AK9: variants seen among roughly 807,000 people sequenced by gnomAD.
AK9 encodes adenylate kinase domain containing 1.
Under a neutral mutation model 239.6 loss-of-function variants are expected in AK9, and 191 were observed. The ratio of observed to expected loss-of-function variants is 0.80; its 90% CI spans 0.71 to 0.90. AK9 has a LOEUF of 0.90. AK9 is among the 40% of genes least tolerant of loss of function. The pLI is 0.00. For missense variants in AK9, 1,995 were observed against 2,214.7 expected (o/e 0.90, Z 1.99); for synonymous variants, 689 against 721.0 (o/e 0.96, Z 0.71).
At chr6:109,497,367 C>G in intron 38 of AK9, 98 bp downstream of exon 38, 1 of 700,456 alleles carries the variant, frequency 1.4e-6, no homozygotes, top group Non-Finnish European at 2.5e-6. Context: ...CACACACTCT[C>G]TCTCTCTCTC....
intron 19 of AK9, among the ~76,000 whole-genome samples, chr6:109,580,543 C>T (rs1313454548): frequency 6.6e-6 from 1 of 152,156 alleles, no homozygotes; most frequent in Non-Finnish European, 1.5e-5. Context: ...TTCATGTCAG[C>T]AGCATACACT....
At chr6:109,536,008 G>T (rs1781934567) in intron 27 of AK9, among the ~76,000 whole-genome samples, 1 of 152,150 alleles carries the variant, frequency 6.6e-6, no homozygotes, top group Non-Finnish European at 1.5e-5. Context: ...GGTTACTGTA[G>T]CCTTGTAGTA....
chr6:109,529,711 G>C (rs1346204176), intron 28 of AK9, among the ~76,000 whole-genome samples: 1 of 152,114 alleles, frequency 6.6e-6, no homozygotes, highest in Non-Finnish European at 1.5e-5. Flanking sequence ...AGATCATCAG[G>C]CATTAGATTC....
intron 33 of AK9, among the ~76,000 whole-genome samples, chr6:109,508,449 G>T (rs964825197): frequency 5.3e-5 from 8 of 152,110 alleles, no homozygotes; most frequent in Admixed American, 5.2e-4. Context: ...TAAGTCCCGG[G>T]CCTTTTCTGG....
intron 12 of AK9, among the ~76,000 whole-genome samples, chr6:109,621,103 A>C (rs948181011): frequency 2.7e-5 from 4 of 148,746 alleles, no homozygotes; most frequent in Admixed American, 2.0e-4. Flanking sequence ...ACACTTCTCA[A>C]AAGAAGACAT....
intron 9 of AK9, among the ~76,000 whole-genome samples, chr6:109,643,411 G>A (rs1287705350): frequency 1.3e-5 from 2 of 152,198 alleles, no homozygotes; most frequent in Non-Finnish European, 2.9e-5. Context: ...CTGTCAAGTA[G>A]ATTTCTTAAA....
intron 24 of AK9, among the ~76,000 whole-genome samples, chr6:109,551,232 C>T (rs1784316218): frequency 6.6e-6 from 1 of 151,862 alleles, no homozygotes; most frequent in Non-Finnish European, 1.5e-5. Flanking sequence ...AATATGCAAA[C>T]CTTGGCTGCG....
chr6:109,516,586 ATCATTGTCTTCT>A lies in AK9; in HGVS notation c.3678_3689del (p.Glu1226_Asn1229del), dbSNP rs769030513. On this transcript the variant is annotated inframe_deletion, in exon 30 of 41. Transcript: ENST00000424296. ...CATCTTCAAGGATGTTTTCAATATC[ATCATTGTCTTCT>A]TCAAGTTCTTCCTCACTAATCTCTT... 4.5e-6 allele frequency: 7 copies of A among 1,550,980 alleles called. No individual in the cohort carries two copies. Among genetic ancestry groups the A allele is most frequent in the Non-Finnish European group, 6.1e-6 (7 of 1,146,906 alleles).
At chr6:109,622,048 AGAT>A (rs1334661466) in intron 12 of AK9, among the ~76,000 whole-genome samples, 1 of 147,526 alleles carries the variant, frequency 6.8e-6, no homozygotes, top group Non-Finnish European at 1.5e-5. Flanking sequence ...ATCAAAATAT[AGAT>A]AATACATGTG....
At chr6:109,669,590 A>T (rs1236655756) in intron 5 of AK9, among the ~76,000 whole-genome samples, 1 of 152,192 alleles carries the variant, frequency 6.6e-6, no homozygotes, top group Non-Finnish European at 1.5e-5. Flanking sequence ...GAGAGTTTTT[A>T]GCATGAAGGG....
chr6:109,671,973 G>T lies in AK9; in HGVS notation c.277C>A (p.Leu93Ile), dbSNP rs773391006. ...LISGQSIPDE[L>I]VIKLMLEKLN... Reference sequence around the variant, plus strand: ...TTCTCCAACATTAGCTTTATGACAAGTTCATCTGGAATGCTTTGACCGCTG... The same window carrying T: ...TTCTCCAACATTAGCTTTATGACAATTTCATCTGGAATGCTTTGACCGCTG... Residue 93 changes from leucine to isoleucine, a missense_variant, in exon 5 of 41, where the codon CTT (leucine) becomes ATT (isoleucine). By Grantham distance (5) the Leu-to-Ile change is conservative (BLOSUM62 2). Coordinates refer to ENST00000424296, the MANE Select transcript of AK9 (RefSeq NM_001145128.3). The T allele has an allele frequency of 6.2e-7, 1 of 1,614,002 alleles. No individual in the cohort carries two copies. Among genetic ancestry groups the T allele is most frequent in the Non-Finnish European group, 8.5e-7 (1 of 1,179,946 alleles).
In AK9 at chr6:109,676,325, G is replaced by A. The variant is rs75590643; in HGVS notation, c.-11-569C>T. The stretch of plus-strand genomic sequence containing the variant: ...TTGCTATTTTGATTTGCTCTTAAGC[G>A]GATTTCTAGGCACAGAAGCTTGAGT... On this transcript the variant is annotated intron_variant, in intron 1 of 40. Transcript: ENST00000424296. Among the ~76,000 whole-genome samples, 130 of 151,986 alleles carry A rather than the reference G, an allele frequency of 8.6e-4. 2 individuals carry two copies. In the East Asian group the frequency reaches 0.014, roughly 17 times the overall value.
At chr6:109,616,635 G>C (rs987380210) in intron 13 of AK9, among the ~76,000 whole-genome samples, 2 of 151,792 alleles carry the variant, frequency 1.3e-5, no homozygotes, top group African/African-American at 2.4e-5. Flanking sequence ...CTTTGGCTTC[G>C]CAGAGCATTG....
intron 10 of AK9, among the ~76,000 whole-genome samples, chr6:109,634,714 C>T (rs1367123067): frequency 6.6e-6 from 1 of 152,176 alleles, no homozygotes; most frequent in African/African-American, 2.4e-5. Context: ...GACTGAGAAC[C>T]TCATCCATGG....
At chr6:109,669,720 A>G (rs1167700113) in intron 5 of AK9, among the ~76,000 whole-genome samples, 1 of 152,158 alleles carries the variant, frequency 6.6e-6, no homozygotes, top group Non-Finnish European at 1.5e-5. Flanking sequence ...ACGGGTTGAG[A>G]GCAAACATCA....
At chr6:109,607,012 T>C (rs1316504280) in intron 17 of AK9, among the ~76,000 whole-genome samples, 1 of 152,214 alleles carries the variant, frequency 6.6e-6, no homozygotes, top group East Asian at 1.9e-4. Context: ...TTCCCTGGAC[T>C]GGATCATACA....
chr6:109,509,306 T>A lies in AK9; in HGVS notation c.4354A>T (p.Asn1452Tyr). Reference protein sequence around the residue: ...IGGALRYVLNNHPETELALML... With the variant: ...IGGALRYVLNYHPETELALML... ...AGTGCCAGCTCTGTTTCCGGGTGAT[T>A]GTTTAGTACATAACGCAAAGCTCCT... Residue 1452 changes from asparagine (N) to tyrosine (Y), a missense_variant, in exon 33 of 41, where the codon AAT becomes TAT. Around this residue, in one of 5 missense-constraint regions of AK9, gnomAD observed 1,290 missense variants for 1,392.7 expected, o/e 0.93. Coordinates refer to ENST00000424296, the MANE Select transcript of AK9 (RefSeq NM_001145128.3). The A allele has an allele frequency of 6.4e-7, 1 of 1,551,756 alleles. No individual in the cohort carries two copies. Among genetic ancestry groups the A allele is most frequent in the Non-Finnish European group, 8.7e-7 (1 of 1,147,004 alleles).
chr6:109,603,348 G>C (rs1264567681), intron 17 of AK9, among the ~76,000 whole-genome samples: 1 of 152,058 alleles, frequency 6.6e-6, no homozygotes, highest in East Asian at 1.9e-4. Context: ...TCCAGACCCT[G>C]TTTGCCTAGG....
intron 28 of AK9, among the ~76,000 whole-genome samples, chr6:109,529,714 T>G (rs1304977923): frequency 6.6e-6 from 1 of 152,188 alleles, no homozygotes; most frequent in Non-Finnish European, 1.5e-5. Flanking sequence ...TCATCAGGCA[T>G]TAGATTCTCA....
Sources: allele counts gnomAD v4.1 joint callset (sites outside exome capture counted in the v4.1 genomes callset), GRCh38; gene constraint gnomAD v4.1.1; regional missense constraint gnomAD v4.1.1; transcripts MANE v1.5; gene names NCBI Gene and HGNC (gene_info 2026-07-23, HGNC 2026-07-21).